The following CACNA1D variants were observed in gnomAD, a reference collection of about 807,000 sequenced individuals.
The protein encoded by CACNA1D is voltage-dependent L-type calcium channel subunit alpha-1D.
Under a neutral mutation model 257.1 loss-of-function variants are expected in CACNA1D, and 55 were observed. That is an observed-to-expected ratio of 0.21 (90% CI 0.17 to 0.27). The LOEUF (loss-of-function observed/expected upper bound fraction) is 0.27. Ranked by LOEUF, CACNA1D falls within the 10% of genes least tolerant of loss-of-function variation. The pLI, the probability that CACNA1D is intolerant of heterozygous loss-of-function variation, is 1.00. For synonymous variants in CACNA1D, 980 were observed against 1,014.9 expected, an observed-to-expected ratio of 0.97 and a Z score of 0.65; for missense variants, 1,876 against 2,784.0, an observed-to-expected ratio of 0.67 and a Z score of 7.34.
At chr3:53,724,119 T>A in intron 14 of CACNA1D, 120 bp downstream of exon 14, 1 of 805,436 alleles carries the variant, frequency 1.2e-6, no homozygotes, top group Non-Finnish European at 2.1e-6. Flanking sequence ...ATCTCTGCCC[T>A]AATCATAGCC....
chr3:53,577,161 C>T (rs1237391602), intron 3 of CACNA1D, among the ~76,000 whole-genome samples: 1 of 152,158 alleles, frequency 6.6e-6, no homozygotes, highest in Non-Finnish European at 1.5e-5. Flanking sequence ...TGCTTTGCTG[C>T]ATCTCCCTGG....
intron 33 of CACNA1D, chr3:53,773,848 C>T (rs2095381099): frequency 6.6e-6 from 1 of 152,248 alleles, no homozygotes; most frequent in Non-Finnish European, 1.5e-5. Context: ...AAAGCCATCT[C>T]AGAACTGCAA....
At chr3:53,683,958 A>C (rs1337692086) in intron 8 of CACNA1D, among the ~76,000 whole-genome samples, 1 of 152,236 alleles carries the variant, frequency 6.6e-6, no homozygotes. Context: ...GGGGAAACAC[A>C]AAGGGAACCA....
chr3:53,776,943 G>T lies in CACNA1D; in HGVS notation c.4574G>T (p.Arg1525Met). The T allele has an allele frequency of 6.2e-7, 1 of 1,613,630 alleles. No individual in the cohort carries two copies. The highest frequency in any genetic ancestry group is 8.5e-7 in the Non-Finnish European group (1 of 1,179,518). ...PLGFGKLCPH[R>M]VACKRLVAMN... ...GGGTTTGGGAAGTTATGTCCACACA[G>T]GGTAGCGTGCAAGGTGAGTGTCCTG... Residue 1525 changes from arginine to methionine, a missense_variant, in exon 37 of 48, where the codon AGG (arginine) becomes ATG (methionine). This residue lies in a region of CACNA1D where 83 missense variants were observed against 210.7 expected (regional missense o/e 0.39). Transcript: ENST00000350061.
chr3:53,777,006 T>G (rs1292678748), intron 37 of CACNA1D, 50 bp downstream of exon 37: 11 of 1,397,028 alleles, frequency 7.9e-6, no homozygotes, highest in Non-Finnish European at 1.1e-5. Flanking sequence ...GAAGCTTGCT[T>G]CATTTAACAA....
At chr3:53,585,733 A>T (rs766398390) in intron 3 of CACNA1D, among the ~76,000 whole-genome samples, 1 of 152,040 alleles carries the variant, frequency 6.6e-6, no homozygotes, top group Non-Finnish European at 1.5e-5. Context: ...GGGAGGGGCT[A>T]TTGGGAGGGG....
intron 4 of CACNA1D, among the ~76,000 whole-genome samples, chr3:53,656,392 G>A (rs555188943): frequency 6.6e-6 from 1 of 152,246 alleles, no homozygotes; most frequent in South Asian, 2.1e-4. Flanking sequence ...AATTGATATT[G>A]AGTCTTCCTA....
intron 3 of CACNA1D, among the ~76,000 whole-genome samples, chr3:53,574,817 C>T (rs1006529904): frequency 6.6e-6 from 1 of 152,214 alleles, no homozygotes; most frequent in African/African-American, 2.4e-5. Context: ...TACATGGGAG[C>T]AGCCAGAGAG....
At chr3:53,631,582 A>G (rs906278122) in intron 3 of CACNA1D, among the ~76,000 whole-genome samples, 9 of 152,234 alleles carry the variant, frequency 5.9e-5, no homozygotes, top group Non-Finnish European at 1.0e-4. Context: ...ATGAATCACA[A>G]ATGTTCTTAA....
chr3:53,570,310 G>A (rs1289761834), intron 3 of CACNA1D, among the ~76,000 whole-genome samples: 2 of 152,146 alleles, frequency 1.3e-5, no homozygotes, highest in Non-Finnish European at 2.9e-5. Flanking sequence ...ATTTTGTGGG[G>A]GAGGTTCTAA....
rs1256557026 is a variant in CACNA1D at position 53,723,254 on chromosome 3, C to T, written c.1667-180C>T. 6.6e-6 allele frequency among the ~76,000 whole-genome samples: 1 copy of T among 152,110 alleles called. No individual in the cohort carries two copies. The highest frequency in any genetic ancestry group is 1.5e-5 in the Non-Finnish European group (1 of 68,026). On this transcript the variant is annotated intron_variant, in intron 12 of 47. Coordinates refer to ENST00000350061, the MANE Select transcript of CACNA1D (RefSeq NM_001128840.3). The surrounding 1 kb of genome is among the most constrained non-coding windows in gnomAD (Gnocchi z 5.6). ...GCTAGTAGCAGAAGCAGGACCAGAA[C>T]CTGGTGGACAGACTGTCCACGCGAA... is the stretch of plus-strand genomic sequence containing the variant.
rs372887959 is a variant in CACNA1D, at chr3:53,744,962, G to A, written c.3006+135G>A. On this transcript the variant is annotated intron_variant, in intron 23 of 47. Coordinates refer to ENST00000350061, the MANE Select transcript of CACNA1D (RefSeq NM_001128840.3). ...TATAAGGACCTTTCTAACCAATTCA[G>A]CCACCTGTGCCAAGTGCTAATGGCA... is the stretch of plus-strand genomic sequence containing the variant. The A allele has an allele frequency of 1.7e-4, 107 of 643,638 alleles. 1 individual carries two copies. The East Asian group carries it at 2.6e-3, about 15-fold the overall frequency. The allele number at this position is 643,638 out of a possible 1,614,324, so 39.9% of individuals were successfully genotyped here.
intron 3 of CACNA1D, among the ~76,000 whole-genome samples, chr3:53,573,415 T>C (rs2092982646): frequency 6.6e-6 from 1 of 152,224 alleles, no homozygotes; most frequent in African/African-American, 2.4e-5. Context: ...TCGGCCTTCT[T>C]TTAAGAACTT....
intron 39 of CACNA1D, among the ~76,000 whole-genome samples, chr3:53,784,067 G>C (rs2095440200): frequency 6.6e-6 from 1 of 152,224 alleles, no homozygotes; most frequent in African/African-American, 2.4e-5. Flanking sequence ...TCATGAGCCT[G>C]ATGATGAGAT....
At chr3:53,535,963 T>C (rs2092103107) in intron 3 of CACNA1D, among the ~76,000 whole-genome samples, 1 of 152,244 alleles carries the variant, frequency 6.6e-6, no homozygotes. Flanking sequence ...GATGCCAGCA[T>C]ACTTAATATG....
At chr3:53,714,437 A>G (rs1397491575) in intron 9 of CACNA1D, among the ~76,000 whole-genome samples, 1 of 152,134 alleles carries the variant, frequency 6.6e-6, no homozygotes, top group Non-Finnish European at 1.5e-5. Context: ...TACCTTCATG[A>G]GTTTGTATGA....
At position 53,781,630 on chromosome 3, in the gene CACNA1D, C is replaced by G. The variant is rs1197977222; in HGVS notation, c.4755C>G (p.Ser1585Arg). Reference sequence around the variant, plus strand: ...TAAAGAAAATTTGGAAGAAAACCAGCATGAAATTACTTGACCAAGTTGTCC... The same window carrying G: ...TAAAGAAAATTTGGAAGAAAACCAGGATGAAATTACTTGACCAAGTTGTCC... ...AVIKKIWKKT[S>R]MKLLDQVVPP... The change falls in exon 39 of 48, where the codon AGC (serine) becomes AGG (arginine). Residue 1585 changes from serine to arginine, a missense_variant. By Grantham distance (110) the Ser-to-Arg change is moderately radical. Coordinates refer to ENST00000350061, the MANE Select transcript of CACNA1D (RefSeq NM_001128840.3). 6.2e-7 allele frequency: 1 copy of G among 1,613,766 alleles called. No individual in the cohort carries two copies. The highest frequency in any genetic ancestry group is 8.5e-7 in the Non-Finnish European group (1 of 1,179,738).
chr3:53,751,266 C>G lies in CACNA1D; in HGVS notation c.3517-483C>G, dbSNP rs534187829. ...CTACTAGTCTTGGGGAATGAGCCAG[C>G]CCCTCTCGTTCTTGTGAGTTTCTGT... On this transcript the variant is annotated intron_variant, in intron 27 of 47. Coordinates refer to ENST00000350061, the MANE Select transcript of CACNA1D (RefSeq NM_001128840.3). This position sits in a 1 kb window ranked among gnomAD's most constrained non-coding sequence, Gnocchi z 4.3. Among the ~76,000 whole-genome samples the G allele has an allele frequency of 6.6e-6, 1 of 152,226 alleles. No individual in the cohort carries two copies. Among genetic ancestry groups the G allele is most frequent in the African/African-American group, 2.4e-5 (1 of 41,456 alleles).
chr3:53,586,967 C>T (rs2093228581), intron 3 of CACNA1D, among the ~76,000 whole-genome samples: 1 of 152,112 alleles, frequency 6.6e-6, no homozygotes, highest in Non-Finnish European at 1.5e-5. Flanking sequence ...GACATGGATG[C>T]TGAGTTGGCC....
Sources: allele counts gnomAD v4.1 joint callset (sites outside exome capture counted in the v4.1 genomes callset), GRCh38; gene constraint gnomAD v4.1.1; regional missense constraint gnomAD v4.1.1; non-coding constraint Gnocchi (gnomAD v3.1); transcripts MANE v1.5; gene names NCBI Gene and HGNC (gene_info 2026-07-23, HGNC 2026-07-21).